Variants in MARF1 observed in about 807,000 individuals in gnomAD.
The protein encoded by MARF1 is meiosis regulator and mRNA stability factor 1, also known as limkain-b1.
MARF1 carries 24 observed loss-of-function variants against 168.2 expected under a neutral mutation model. The ratio of observed to expected loss-of-function variants is 0.14; its 90% CI spans 0.10 to 0.20. The LOEUF (loss-of-function observed/expected upper bound fraction) is 0.20. Among genes scored for constraint, MARF1 ranks in the 10% least tolerant of loss-of-function variants. The pLI, the probability that MARF1 is intolerant of heterozygous loss-of-function variation, is 1.00. For missense variants in MARF1, 1,744 were observed against 2,143.6 expected (o/e 0.81, Z 3.68); for synonymous variants, 868 against 822.4 (o/e 1.06, Z -0.95).
intron 22 of MARF1, chr16:15,602,817 G>C (rs1450641079): frequency 3.1e-6 from 1 of 327,468 alleles, no homozygotes; most frequent in Admixed American, 4.5e-5. Context: ...TACACACAGT[G>C]AACACTGGGG....
At chr16:15,610,199 A>T (rs1296321410) in intron 19 of MARF1, 1 of 154,592 alleles carries the variant, frequency 6.5e-6, no homozygotes, top group Non-Finnish European at 1.4e-5. Flanking sequence ...TTGAACAAAA[A>T]TAAACAGGAG....
chr16:15,605,940 TC>T (rs151023899), intron 21 of MARF1: 20,155 of 152,492 alleles, frequency 0.13, 1,787 homozygotes, highest in Non-Finnish European at 0.19. Flanking sequence ...CAGGGACCTG[TC>T]CCACACCACA....
rs1244080331 is a variant in MARF1, at chr16:15,602,179, C to G, written c.4438G>C (p.Glu1480Gln). 1.9e-6 allele frequency: 3 copies of G among 1,614,154 alleles called. No individual in the cohort carries two copies. The highest frequency in any genetic ancestry group is 2.5e-6 in the Non-Finnish European group (3 of 1,179,970). Residue 1480 changes from glutamate to glutamine, a missense_variant, in exon 23 of 27, where the codon GAA (glutamate) becomes CAA (glutamine). This residue lies in a region of MARF1 where 313 missense variants were observed against 337.4 expected (regional missense o/e 0.93). Coordinates refer to ENST00000396368, the MANE Select transcript of MARF1 (RefSeq NM_014647.4). ...TACAGACTTGTGAGCTTCACACATTCTTCCATCTTATCATTAGTGAAAACC... is the reference window on the plus strand; with the variant it reads ...TACAGACTTGTGAGCTTCACACATTGTTCCATCTTATCATTAGTGAAAACC... ...VEVFTNDKME[E>Q]CVKLTSLYLF...
rs2031580722 is a variant in MARF1 at position 15,595,406 on chromosome 16, A to C, written c.*1287T>G. On this transcript the variant is annotated 3_prime_UTR_variant, in exon 27 of 27. Transcript: ENST00000396368. ...AACCATCTAACTAGTGGAAGACCTT[A>C]CGCCAACAGGTTCTTTCTGCTCTAT... is the stretch of plus-strand genomic sequence containing the variant. 6.6e-6 allele frequency: 1 copy of C among 152,634 alleles called. No homozygotes were observed. Among genetic ancestry groups the C allele is most frequent in the Non-Finnish European group, 1.5e-5 (1 of 68,038 alleles). The allele number at this position is 152,634 out of a possible 1,614,324, so 9.5% of individuals were successfully genotyped here. A position where few individuals can be genotyped will look rare whatever the true frequency, so the allele number is the denominator to read the frequency against.
At chr16:15,600,358 T>A (rs1428280639) in intron 25 of MARF1, 70 bp downstream of exon 25, 4 of 1,597,950 alleles carry the variant, frequency 2.5e-6, no homozygotes, top group Non-Finnish European at 3.4e-6. Context: ...TTTCCCTCGC[T>A]CTCCCCGACC....
chr16:15,601,323 G>A (rs541345978), intron 23 of MARF1: 16 of 331,772 alleles, frequency 4.8e-5, no homozygotes, highest in Admixed American at 3.9e-4. Context: ...CCAGACCTCT[G>A]CAGTGGCCAG....
chr16:15,631,593 ATACTTT>A, intron 5 of MARF1, 95 bp from the exon 6 acceptor site: 1 of 768,736 alleles, frequency 1.3e-6, no homozygotes, highest in South Asian at 1.8e-5. Flanking sequence ...AAATTTTATT[ATACTTT>A]AAGTTCTGGG....
intron 26 of MARF1, among the ~76,000 whole-genome samples, chr16:15,597,193 T>G (rs1260540799): frequency 2.0e-5 from 3 of 152,222 alleles, no homozygotes; most frequent in Non-Finnish European, 2.9e-5. Context: ...TATAAATGAA[T>G]GAGCAAAGGT....
rs1346643517 is a variant in MARF1 at position 15,615,960 on chromosome 16, C to T, written c.3123G>A (p.Val1041=). 5 of 1,570,614 alleles carry T rather than the reference C, an allele frequency of 3.2e-6. No individual in the cohort carries two copies. The highest frequency in any genetic ancestry group is 3.5e-6 in the Non-Finnish European group (4 of 1,156,254). ...AGGGAACACCTCCTTGGTTTTCTTG[C>T]ACTACTTCTAGATCGCCAAACTCTG... ...YIAEFGDLEV[V]QENQGGVPLE... The change falls in exon 16 of 27, where the codon GTG becomes GTA. Residue 1041 remains valine, a synonymous_variant. Transcript: ENST00000396368.
At position 15,602,009 on chromosome 16, in the gene MARF1, G is replaced by C. The variant is rs770662256; in HGVS notation, c.4608C>G (p.Leu1536=). ...TGCCCACCTGTGGAATTGCTCCCAA[G>C]AGCTCCTCCACGCTGCTGTGGCCGT... is the stretch of plus-strand genomic sequence containing the variant. ...KTYGHSSVEE[L]LGAIPQVVWI... Residue 1536 remains leucine, a synonymous_variant, in exon 23 of 27, where the codon CTC becomes CTG. Coordinates refer to ENST00000396368, the MANE Select transcript of MARF1 (RefSeq NM_014647.4). The C allele has an allele frequency of 6.2e-6, 10 of 1,614,032 alleles. No homozygotes were observed. The highest frequency in any genetic ancestry group is 8.5e-6 in the Non-Finnish European group (10 of 1,179,892).
chr16:15,630,508 A>T lies in MARF1; in HGVS notation c.1352-4T>A, dbSNP rs750402028. On this transcript the variant is annotated splice_polypyrimidine_tract_variant and splice_region_variant and intron_variant, in intron 6 of 26. Coordinates refer to ENST00000396368, the MANE Select transcript of MARF1 (RefSeq NM_014647.4). ...TCCAATGCAAAATTGACATCAGCTG[A>T]AAGAAAAGGTACAGACCAACCCCAT... 5.0e-6 allele frequency: 8 copies of T among 1,612,376 alleles called. No individual in the cohort carries two copies. The highest frequency in any genetic ancestry group is 6.8e-6 in the Non-Finnish European group (8 of 1,179,320).
At chr16:15,621,422 A>C (rs913298596) in intron 12 of MARF1, 6 of 332,208 alleles carry the variant, frequency 1.8e-5, no homozygotes, top group Non-Finnish European at 3.3e-5. Context: ...ATCTCAAGGT[A>C]ATATTTTAGA....
chr16:15,606,917 C>A (rs780647863), intron 21 of MARF1, among the ~76,000 whole-genome samples: 2 of 152,196 alleles, frequency 1.3e-5, no homozygotes, highest in Admixed American at 6.5e-5. Context: ...AACCAGGATG[C>A]TGTCCAGATG....
At chr16:15,616,691 C>T (rs1009969046) in intron 15 of MARF1, 13 of 194,110 alleles carry the variant, frequency 6.7e-5, no homozygotes, top group African/African-American at 1.9e-4. Context: ...CTAGATGCTG[C>T]GGCCCACTGC....
At chr16:15,613,245 T>C (rs2033730421) in intron 16 of MARF1, among the ~76,000 whole-genome samples, 1 of 152,142 alleles carries the variant, frequency 6.6e-6, no homozygotes, top group African/African-American at 2.4e-5. Flanking sequence ...AGTGATAATG[T>C]TGTAAGATTA....
intron 19 of MARF1, among the ~76,000 whole-genome samples, 188 bp from the exon 20 acceptor site, chr16:15,609,913 G>A (rs912962081): frequency 2.0e-5 from 3 of 152,028 alleles, no homozygotes; most frequent in Admixed American, 2.0e-4. Context: ...ATGTTCCAGG[G>A]CAGAACACCA....
At chr16:15,614,194 G>A (rs1332624883) in intron 16 of MARF1, among the ~76,000 whole-genome samples, 1 of 152,154 alleles carries the variant, frequency 6.6e-6, no homozygotes, top group East Asian at 1.9e-4. Context: ...TTTAAAGACA[G>A]AGTTTCGGCC....
At chr16:15,638,714 A>G (rs975051926) in intron 2 of MARF1, among the ~76,000 whole-genome samples, 2 of 152,238 alleles carry the variant, frequency 1.3e-5, no homozygotes, top group Admixed American at 1.3e-4. Context: ...AGCTCTTCCC[A>G]ACCCTTCCTA....
At chr16:15,613,477 G>A (rs2033754544) in intron 16 of MARF1, among the ~76,000 whole-genome samples, 1 of 151,518 alleles carries the variant, frequency 6.6e-6, no homozygotes, top group Non-Finnish European at 1.5e-5. Flanking sequence ...GTGAAACCCC[G>A]TCTCTACTAA....
Sources: allele counts gnomAD v4.1 joint callset (sites outside exome capture counted in the v4.1 genomes callset), GRCh38; gene constraint gnomAD v4.1.1; regional missense constraint gnomAD v4.1.1; transcripts MANE v1.5; gene names NCBI Gene and HGNC (gene_info 2026-07-23, HGNC 2026-07-21).